The following KANK1 variants were observed in gnomAD, a reference collection of about 807,000 sequenced individuals.
KANK1 encodes KN motif and ankyrin repeat domains 1.
A neutral mutation model predicts 106.2 loss-of-function variants in KANK1; 109 were observed. The observed-to-expected ratio is 1.03, with a 90% CI of 0.88 to 1.20. The LOEUF (loss-of-function observed/expected upper bound fraction) is 1.20, where lower values mean the gene tolerates loss of function less well. Among genes scored for constraint, KANK1 ranks in the 50% most tolerant of loss-of-function variants. The probability of loss-of-function intolerance (pLI) is 0.00; values close to 1 mark genes in which losing one functional copy is unlikely to be tolerated. For missense variants in KANK1, 2,399 were observed against 1,710.7 expected, an observed-to-expected ratio of 1.40 and a Z score of -7.10; for synonymous variants, 873 against 652.2, an observed-to-expected ratio of 1.34 and a Z score of -5.16.
At chr9:650,086 A>C (rs1840552295) in intron 1 of KANK1, among the ~76,000 whole-genome samples, 1 of 152,220 alleles carries the variant, frequency 6.6e-6, no homozygotes, top group African/African-American at 2.4e-5. Context: ...CATTAATATG[A>C]AATTTGTATA....
chr9:559,812 C>T (rs1041140027), intron 1 of KANK1, among the ~76,000 whole-genome samples: 8 of 152,194 alleles, frequency 5.3e-5, no homozygotes, highest in Admixed American at 5.2e-4. Context: ...GGTTGTGGCT[C>T]TCTACCATGT....
chr9:560,851 C>T (rs746645445), intron 1 of KANK1, among the ~76,000 whole-genome samples: 1 of 152,036 alleles, frequency 6.6e-6, no homozygotes, highest in Non-Finnish European at 1.5e-5. Context: ...CTACTGAATG[C>T]AGCTTCCTAG....
At position 517,029 on chromosome 9, in the gene KANK1, C is replaced by T. The variant is rs190082170; in HGVS notation, c.-84+12275C>T. 2.4e-3 allele frequency among the ~76,000 whole-genome samples: 218 copies of T among 89,156 alleles called. 1 individual carries two copies. Among genetic ancestry groups the T allele is most frequent in the Admixed American group, 3.5e-3 (33 of 9,504 alleles). 58.5% of individuals were successfully genotyped at this position (89,156 alleles called of 152,430 possible). On this transcript the variant is annotated intron_variant, in intron 1 of 11. Transcript: ENST00000382297. ...CACACACACACACACACACACACAT[C>T]CGTCTTGTGTTTTTTGGTGGGCTCA...
chr9:713,804 A>G (rs540009013), intron 3 of KANK1, among the ~76,000 whole-genome samples: 5 of 127,958 alleles, frequency 3.9e-5, no homozygotes, highest in Non-Finnish European at 7.2e-5. Flanking sequence ...TATTTATAGA[A>G]CTGCCTTTAA....
intron 1 of KANK1, among the ~76,000 whole-genome samples, chr9:565,201 C>T (rs547853263): frequency 1.3e-5 from 2 of 152,290 alleles, no homozygotes; most frequent in South Asian, 4.1e-4. Context: ...ACATCTATTC[C>T]TGTTAAGATC....
intron 3 of KANK1, among the ~76,000 whole-genome samples, chr9:495,949 A>G (rs1266942501): frequency 6.6e-6 from 1 of 151,436 alleles, no homozygotes; most frequent in Non-Finnish European, 1.5e-5. Context: ...GTGTAAAGTT[A>G]TCATCACTAG....
intron 1 of KANK1, among the ~76,000 whole-genome samples, chr9:649,456 C>G (rs1410392826): frequency 6.6e-6 from 1 of 152,184 alleles, no homozygotes; most frequent in African/African-American, 2.4e-5. Flanking sequence ...TGATAACTGA[C>G]TTCAGTCACT....
At chr9:638,937 G>A (rs181060121) in intron 1 of KANK1, among the ~76,000 whole-genome samples, 100 of 152,284 alleles carry the variant, frequency 6.6e-4, no homozygotes, top group Middle Eastern at 3.4e-3. Flanking sequence ...CTGAGCAAGT[G>A]GATTTGACTG....
At chr9:742,148 G>C (rs1835758798) in intron 9 of KANK1, 57 bp from the exon 10 acceptor site, 2 of 1,476,000 alleles carry the variant, frequency 1.4e-6, no homozygotes, top group East Asian at 4.6e-5. Flanking sequence ...CCCCACTAGA[G>C]GCCACCACTG....
At chr9:694,323 C>G (rs566159807) in intron 2 of KANK1, among the ~76,000 whole-genome samples, 164 of 152,322 alleles carry the variant, frequency 1.1e-3, no homozygotes, top group Middle Eastern at 3.4e-3. Context: ...CACAGAATTA[C>G]TCTCTGAACT....
At chr9:692,082 C>A (rs1291664729) in intron 2 of KANK1, among the ~76,000 whole-genome samples, 1 of 124,098 alleles carries the variant, frequency 8.1e-6, no homozygotes, top group Non-Finnish European at 1.7e-5. Context: ...TCTAAATAGC[C>A]TGTTTTGTAA....
intron 1 of KANK1, among the ~76,000 whole-genome samples, chr9:607,511 G>A (rs975524075): frequency 6.9e-6 from 1 of 145,096 alleles, no homozygotes; most frequent in Admixed American, 6.9e-5. Context: ...AAAAAAAGGA[G>A]ATGGCTATGC....
intron 1 of KANK1, among the ~76,000 whole-genome samples, chr9:541,419 A>G (rs1668877679): frequency 6.6e-6 from 1 of 152,176 alleles, no homozygotes; most frequent in Admixed American, 6.5e-5. Flanking sequence ...ACAAAAATCA[A>G]CTCAAAATGG....
At chr9:578,176 T>G (rs1821096429) in intron 1 of KANK1, among the ~76,000 whole-genome samples, 1 of 152,212 alleles carries the variant, frequency 6.6e-6, no homozygotes, top group Non-Finnish European at 1.5e-5. Flanking sequence ...TGCTTTCTCG[T>G]TGGATCACCC....
At chr9:608,403 A>G (rs1829820406) in intron 1 of KANK1, among the ~76,000 whole-genome samples, 1 of 149,448 alleles carries the variant, frequency 6.7e-6, no homozygotes, top group Non-Finnish European at 1.5e-5. Flanking sequence ...CTTTATCAAT[A>G]TTTGTGTATT....
chr9:561,543 TAGC>T (rs1279046410), intron 1 of KANK1, among the ~76,000 whole-genome samples: 2 of 152,220 alleles, frequency 1.3e-5, no homozygotes, highest in African/African-American at 2.4e-5. Context: ...GACAAATTCT[TAGC>T]AGCAGGACAG....
intron 8 of KANK1, among the ~76,000 whole-genome samples, chr9:739,745 G>A (rs1312239481): frequency 1.3e-5 from 2 of 152,048 alleles, no homozygotes; most frequent in African/African-American, 4.8e-5. Flanking sequence ...ATTGCTGGAT[G>A]GTTTGGGTTA....
chr9:722,043 A>G (rs1228872187), intron 3 of KANK1, among the ~76,000 whole-genome samples: 1 of 152,216 alleles, frequency 6.6e-6, no homozygotes, highest in African/African-American at 2.4e-5. Flanking sequence ...ATGACAGTAA[A>G]AGAAACCTGA....
chr9:626,971 C>T (rs917685139), intron 1 of KANK1, among the ~76,000 whole-genome samples: 4 of 152,096 alleles, frequency 2.6e-5, no homozygotes, highest in Non-Finnish European at 2.9e-5. Flanking sequence ...TAACTCATTC[C>T]TTTTGGTGTT....
Sources: allele counts gnomAD v4.1 joint callset (sites outside exome capture counted in the v4.1 genomes callset), GRCh38; gene constraint gnomAD v4.1.1; transcripts MANE v1.5; gene names NCBI Gene and HGNC (gene_info 2026-07-23, HGNC 2026-07-21).